AGBL1: variants seen among roughly 807,000 people sequenced by gnomAD.
AGBL1 encodes AGBL carboxypeptidase 1.
A neutral mutation model predicts 118.9 loss-of-function variants in AGBL1; 130 were observed. The ratio of observed to expected loss-of-function variants is 1.09; its 90% CI spans 0.95 to 1.26. The LOEUF (loss-of-function observed/expected upper bound fraction) is 1.26, where lower values mean the gene tolerates loss of function less well. Among genes scored for constraint, AGBL1 ranks in the 50% most tolerant of loss-of-function variants. AGBL1 has a pLI of 0.00. For missense variants in AGBL1, 1,584 were observed against 1,298.1 expected (o/e 1.22, Z -3.38); for synonymous variants, 555 against 478.9 (o/e 1.16, Z -2.08).
chr15:86,485,898 C>T (rs1251324758), intron 18 of AGBL1, among the ~76,000 whole-genome samples: 1 of 152,054 alleles, frequency 6.6e-6, no homozygotes, highest in Non-Finnish European at 1.5e-5. Flanking sequence ...TCTTCACAAA[C>T]CTTGACCACA....
downstream of AGBL1, among the ~76,000 whole-genome samples, chr15:86,921,136 A>G (rs543956901): frequency 2.0e-5 from 3 of 152,338 alleles, no homozygotes; most frequent in African/African-American, 7.2e-5. Context: ...TTTGACCAAA[A>G]AAGTTGGGAC....
chr15:86,844,458 A>G (rs1414481293), intron 22 of AGBL1, among the ~76,000 whole-genome samples: 3 of 152,120 alleles, frequency 2.0e-5, no homozygotes, highest in Non-Finnish European at 4.4e-5. Flanking sequence ...TTCCTTAACA[A>G]CTAAAGATAT....
At chr15:86,790,361 C>CAA (rs2078473818) in intron 22 of AGBL1, among the ~76,000 whole-genome samples, 1 of 151,792 alleles carries the variant, frequency 6.6e-6, no homozygotes, top group South Asian at 2.1e-4. Context: ...CACACACACA[C>CAA]ACACACGCAT....
At chr15:86,436,179 C>G (rs1383487370) in intron 18 of AGBL1, among the ~76,000 whole-genome samples, 1 of 145,392 alleles carries the variant, frequency 6.9e-6, no homozygotes, top group African/African-American at 2.6e-5. Context: ...TCTTACCGCT[C>G]TCTGTGGTGG....
intron 1 of AGBL1, among the ~76,000 whole-genome samples, chr15:86,117,840 C>G (rs757673637): frequency 6.6e-6 from 1 of 152,130 alleles, no homozygotes; most frequent in Non-Finnish European, 1.5e-5. Context: ...TGCCTGAAAT[C>G]CAACCCCAGG....
intron 21 of AGBL1, among the ~76,000 whole-genome samples, chr15:86,632,807 T>TTTGG (rs1294682941): frequency 2.0e-5 from 3 of 151,928 alleles, no homozygotes; most frequent in Non-Finnish European, 4.4e-5. Flanking sequence ...GTAGTTTTGT[T>TTTGG]TTTGCAGTTA....
rs190323793 is a variant in AGBL1 at position 86,854,156 on chromosome 15, T to C, written c.3159-52931T>C. Among the ~76,000 whole-genome samples, 98 of 152,326 alleles carry C rather than the reference T, an allele frequency of 6.4e-4. No homozygotes were observed. The East Asian group carries it at 0.013, about 19-fold the overall frequency. ...ACTCTGTCATCCCATTCACGGTGTC[T>C]CACTTACACTCCTTTGGGAGGTCAA... On this transcript the variant is annotated intron_variant, in intron 22 of 22. Transcript: ENST00000614907.
At chr15:86,959,569 T>G (rs2080970969) in intron 23 of AGBL1, among the ~76,000 whole-genome samples, 1 of 152,236 alleles carries the variant, frequency 6.6e-6, no homozygotes, top group African/African-American at 2.4e-5. Context: ...CTTCTTTTTT[T>G]CTTTGATTTG....
At chr15:87,001,587 G>A (rs112085693) in intron 24 of AGBL1, among the ~76,000 whole-genome samples, 1 of 152,050 alleles carries the variant, frequency 6.6e-6, no homozygotes, top group East Asian at 1.9e-4. Flanking sequence ...CTAGTTTACA[G>A]TCCCACCAAC....
intron 21 of AGBL1, among the ~76,000 whole-genome samples, chr15:86,619,070 C>T (rs1305070536): frequency 2.0e-5 from 3 of 152,116 alleles, no homozygotes; most frequent in African/African-American, 7.2e-5. Context: ...GGGTCTGTGG[C>T]CAGAGTGCTG....
chr15:86,913,107 C>T lies in AGBL1; in HGVS notation c.*5813C>T, dbSNP rs895194061. The T allele has an allele frequency of 6.6e-6, 1 of 152,146 alleles. No individual in the cohort carries two copies. The highest frequency in any genetic ancestry group is 2.4e-5 in the African/African-American group (1 of 41,502). 9.4% of individuals were successfully genotyped at this position (152,146 alleles called of 1,614,324 possible). On this transcript the variant is annotated 3_prime_UTR_variant, in exon 23 of 23. Coordinates refer to ENST00000614907, the MANE Select transcript of AGBL1 (RefSeq NM_001386094.1). ...TTCAGTGCCTAATAATAAAAAGATACAATTGCATATAACTTAAAATCATCT... is the reference window on the plus strand; with the variant it reads ...TTCAGTGCCTAATAATAAAAAGATATAATTGCATATAACTTAAAATCATCT...
At chr15:86,157,812 A>C (rs997703626) in intron 4 of AGBL1, among the ~76,000 whole-genome samples, 6 of 152,202 alleles carry the variant, frequency 3.9e-5, no homozygotes, top group African/African-American at 1.4e-4. Flanking sequence ...GGAAGTTCTC[A>C]GATGGCCAAT....
intron 22 of AGBL1, among the ~76,000 whole-genome samples, chr15:86,740,297 C>G (rs2077658940): frequency 1.3e-5 from 2 of 152,204 alleles, no homozygotes; most frequent in South Asian, 4.1e-4. Context: ...ATTTCATTAA[C>G]TAGGTAACCA....
At chr15:86,697,102 C>T (rs193227130) in intron 22 of AGBL1, among the ~76,000 whole-genome samples, 6 of 151,926 alleles carry the variant, frequency 3.9e-5, no homozygotes, top group Admixed American at 2.0e-4. Flanking sequence ...TGATAAATTT[C>T]CCAGGTGTTC....
intron 19 of AGBL1, among the ~76,000 whole-genome samples, chr15:86,527,370 A>G (rs1241859218): frequency 6.6e-6 from 1 of 152,244 alleles, no homozygotes; most frequent in Non-Finnish European, 1.5e-5. Flanking sequence ...AAATATAAAT[A>G]AACATTAATT....
At chr15:86,432,198 C>G (rs894018370) in intron 18 of AGBL1, among the ~76,000 whole-genome samples, 1 of 152,184 alleles carries the variant, frequency 6.6e-6, no homozygotes, top group Non-Finnish European at 1.5e-5. Flanking sequence ...TTAATGTAAG[C>G]CAATGTTAAG....
intron 22 of AGBL1, among the ~76,000 whole-genome samples, chr15:86,871,208 G>T (rs1167097391): frequency 6.6e-6 from 1 of 152,108 alleles, no homozygotes; most frequent in Non-Finnish European, 1.5e-5. Context: ...AAAGGAAATT[G>T]TCTCCAGTAT....
chr15:86,418,909 T>A (rs1042047786), intron 18 of AGBL1, among the ~76,000 whole-genome samples: 1 of 152,184 alleles, frequency 6.6e-6, no homozygotes, highest in African/African-American at 2.4e-5. Context: ...CCCAAATCAT[T>A]GTAACTTCAG....
At chr15:86,766,283 T>C (rs1433824905) in intron 22 of AGBL1, among the ~76,000 whole-genome samples, 2 of 151,958 alleles carry the variant, frequency 1.3e-5, no homozygotes, top group African/African-American at 4.8e-5. Context: ...AAGACCATTT[T>C]ATGTTTAATG....
Sources: gnomAD v4.1 joint callset for allele counts (sites outside exome capture counted in the v4.1 genomes callset) on GRCh38, gnomAD v4.1.1 for gene constraint, MANE v1.5 for transcripts, NCBI Gene and HGNC (gene_info 2026-07-23, HGNC 2026-07-21) for gene names.